The following ATP6V0A4 variants were observed in gnomAD, a reference collection of about 807,000 sequenced individuals.
The protein encoded by ATP6V0A4 is V-type proton ATPase 116 kDa subunit a 4.
In ATP6V0A4, 86 loss-of-function variants were observed where a neutral mutation model predicts 107.3. The ratio of observed to expected loss-of-function variants is 0.80; its 90% CI spans 0.67 to 0.96. ATP6V0A4 has a LOEUF of 0.96. Ranked by LOEUF, ATP6V0A4 falls within the 40% of genes least tolerant of loss-of-function variation. The pLI is 0.00. For synonymous variants in ATP6V0A4, 353 were observed against 381.4 expected (o/e 0.93, Z 0.87); for missense variants, 908 against 1,045.6 (o/e 0.87, Z 1.81).
chr7:138,722,143 CACT>C, intron 18 of ATP6V0A4, 118 bp from the exon 19 acceptor site: 3 of 1,496,448 alleles, frequency 2.0e-6, no homozygotes, highest in Non-Finnish European at 2.7e-6. Context: ...CTGTTCTAAA[CACT>C]ACACTATCTC....
chr7:138,748,472 T>C (rs1335294478), intron 12 of ATP6V0A4, among the ~76,000 whole-genome samples: 6 of 152,182 alleles, frequency 3.9e-5, no homozygotes, highest in African/African-American at 1.4e-4. Context: ...AGTGGTGCAG[T>C]CTCAGCTCAC....
chr7:138,781,182 G>A (rs746488652), intron 2 of ATP6V0A4, among the ~76,000 whole-genome samples: 16 of 152,232 alleles, frequency 1.1e-4, no homozygotes, highest in African/African-American at 2.4e-4. Context: ...AGGTAGGACC[G>A]TGAAGGTGTA....
At chr7:138,776,946 G>A (rs901683520) in intron 2 of ATP6V0A4, among the ~76,000 whole-genome samples, 4 of 151,370 alleles carry the variant, frequency 2.6e-5, no homozygotes, top group Middle Eastern at 3.2e-3. Context: ...CCAGGAGTTC[G>A]AGACCAGCCT....
At chr7:138,789,902 G>A (rs1386204979) in intron 1 of ATP6V0A4, among the ~76,000 whole-genome samples, 1 of 149,880 alleles carries the variant, frequency 6.7e-6, no homozygotes, top group Non-Finnish European at 1.5e-5. Flanking sequence ...CCGGGAGGCA[G>A]ATGTTGCAGT....
intron 18 of ATP6V0A4, among the ~76,000 whole-genome samples, chr7:138,727,281 C>A (rs745668375): frequency 2.0e-5 from 3 of 152,020 alleles, no homozygotes; most frequent in Non-Finnish European, 2.9e-5. Flanking sequence ...CAGAGAGAGA[C>A]CTTGTCTCTA....
In ATP6V0A4 at chr7:138,727,307, C is replaced by CA. The variant is rs1487691435; in HGVS notation, c.2010+1453dup. ...CTTGTCTCTAGAAAACAAAACAAAA[C>CA]AAAAAAAACTTGCATCTACTTCTCC... On this transcript the variant is annotated intron_variant, in intron 18 of 21. Transcript: ENST00000310018. Among the ~76,000 whole-genome samples, 38 of 151,732 alleles carry CA rather than the reference C, an allele frequency of 2.5e-4. 1 individual carries two copies. The South Asian group carries it at 3.3e-3, about 13-fold the overall frequency.
intron 5 of ATP6V0A4, among the ~76,000 whole-genome samples, chr7:138,768,026 C>T (rs1276272551): frequency 2.6e-5 from 4 of 152,228 alleles, no homozygotes; most frequent in Middle Eastern, 3.4e-3. Flanking sequence ...CTCTGCGTCC[C>T]GGATTCAAGC....
At chr7:138,784,415 T>C (rs1413262444) in intron 2 of ATP6V0A4, among the ~76,000 whole-genome samples, 1 of 149,454 alleles carries the variant, frequency 6.7e-6, no homozygotes, top group Non-Finnish European at 1.5e-5. Flanking sequence ...GTCTCCTGGG[T>C]TCACGCCATT....
chr7:138,748,429 C>T (rs1198118637), intron 12 of ATP6V0A4, among the ~76,000 whole-genome samples: 2 of 151,564 alleles, frequency 1.3e-5, no homozygotes, highest in Admixed American at 6.6e-5. Context: ...TTTTTTGAGA[C>T]AGGATCTCGC....
At chr7:138,787,363 G>A (rs569103525) in intron 1 of ATP6V0A4, among the ~76,000 whole-genome samples, 33 of 152,170 alleles carry the variant, frequency 2.2e-4, no homozygotes, top group African/African-American at 6.7e-4. Flanking sequence ...CTAGAAAGTC[G>A]CATCGACACC....
chr7:138,755,394 G>A (rs1195814734), intron 10 of ATP6V0A4, among the ~76,000 whole-genome samples: 3 of 152,140 alleles, frequency 2.0e-5, no homozygotes, highest in East Asian at 3.9e-4. Context: ...CGTCTAGGCC[G>A]AGGCTGGCAA....
intron 14 of ATP6V0A4, among the ~76,000 whole-genome samples, chr7:138,740,405 T>C (rs1046830888): frequency 6.6e-6 from 1 of 151,472 alleles, no homozygotes; most frequent in Admixed American, 6.6e-5. Flanking sequence ...GAAGAATGGA[T>C]GTCAATGGGA....
At chr7:138,721,432 G>A (rs1804416132) in intron 19 of ATP6V0A4, among the ~76,000 whole-genome samples, 1 of 152,158 alleles carries the variant, frequency 6.6e-6, no homozygotes, top group Non-Finnish European at 1.5e-5. Context: ...CCAGGTATTA[G>A]AGAGGCTGAG....
chr7:138,774,012 C>G lies in ATP6V0A4; in HGVS notation c.-17-2748G>C, dbSNP rs182964985. 1,479 of 152,476 alleles carry G rather than the reference C, an allele frequency of 9.7e-3. 13 individuals carry two copies. The highest frequency in any genetic ancestry group is 0.016 in the Non-Finnish European group (1,070 of 68,162). 9.4% of individuals were successfully genotyped at this position (152,476 alleles called of 1,614,324 possible). On this transcript the variant is annotated intron_variant, in intron 2 of 21. Transcript: ENST00000310018. The stretch of plus-strand genomic sequence containing the variant: ...CCCGGCTCCTTCTCCTCCCAGGCTC[C>G]CAAAGAGCCAGGAGGCAGCTCTGTT...
chr7:138,735,253 C>T (rs1347510418), intron 15 of ATP6V0A4, among the ~76,000 whole-genome samples: 4 of 152,202 alleles, frequency 2.6e-5, no homozygotes, highest in African/African-American at 7.2e-5. Context: ...ATGGTCTCCA[C>T]TCCCACTCTG....
chr7:138,771,057 T>C (rs1584941403), intron 3 of ATP6V0A4, 74 bp downstream of exon 3: 1 of 1,385,646 alleles, frequency 7.2e-7, no homozygotes, highest in Non-Finnish European at 1.0e-6. Context: ...TTGTTCACCA[T>C]AAAGAAGTGT....
Position 138,714,857 on chromosome 7 carries a change from T to C in ATP6V0A4, c.2257+907A>G, listed in dbSNP as rs555832955. Among the ~76,000 whole-genome samples, 4 of 152,312 alleles carry C rather than the reference T, an allele frequency of 2.6e-5. No individual in the cohort carries two copies. The East Asian group carries it at 7.7e-4, about 29-fold the overall frequency. Reference sequence around the variant, plus strand: ...CCTAATAACCTGTCAACATACTATATTACATGGCAACAGTGGCTTTGCAGA... The same window carrying C: ...CCTAATAACCTGTCAACATACTATACTACATGGCAACAGTGGCTTTGCAGA... On this transcript the variant is annotated intron_variant, in intron 20 of 21. Coordinates refer to ENST00000310018, the MANE Select transcript of ATP6V0A4 (RefSeq NM_020632.3).
chr7:138,770,813 T>C (rs1454942653), intron 3 of ATP6V0A4, among the ~76,000 whole-genome samples: 1 of 152,204 alleles, frequency 6.6e-6, no homozygotes, highest in Non-Finnish European at 1.5e-5. Context: ...ACATGCCCAT[T>C]GGCTATATAC....
rs182714264 is a variant in ATP6V0A4, at chr7:138,754,187, G to A, written c.817-1350C>T. ...ACACAGGCCAGGCGCAGTGGCTCAC[G>A]CCTGTAATCCCAGCACTTTGGGAGG... On this transcript the variant is annotated intron_variant, in intron 10 of 21. Transcript: ENST00000310018. 2.5e-3 allele frequency among the ~76,000 whole-genome samples: 376 copies of A among 152,222 alleles called. 1 individual carries two copies. The highest frequency in any genetic ancestry group is 8.6e-3 in the African/African-American group (356 of 41,540).
Sources: gnomAD v4.1 joint callset for allele counts (sites outside exome capture counted in the v4.1 genomes callset) on GRCh38, gnomAD v4.1.1 for gene constraint, MANE v1.5 for transcripts, NCBI Gene and HGNC (gene_info 2026-07-23, HGNC 2026-07-21) for gene names.